The following VGLL4 variants were observed in gnomAD, a reference collection of about 807,000 sequenced individuals.
VGLL4 encodes the protein transcription cofactor vestigial-like protein 4.
In VGLL4, 7 loss-of-function variants were observed where a neutral mutation model predicts 21.0. That is an observed-to-expected ratio of 0.33 (90% confidence interval 0.19 to 0.63). VGLL4 has a LOEUF of 0.63. Ranked by LOEUF, VGLL4 falls within the 20% of genes least tolerant of loss-of-function variation. The pLI is 0.78. For missense variants in VGLL4, 394 were observed against 425.7 expected (o/e 0.93, Z 0.66); for synonymous variants, 222 against 173.2 (o/e 1.28, Z -2.21).
intron 1 of VGLL4, among the ~76,000 whole-genome samples, chr3:11,628,395 C>CA (rs796493136): frequency 0.027 from 2,906 of 108,444 alleles, 81 homozygotes; most frequent in African/African-American, 0.087. Flanking sequence ...TCTCAAAAAA[C>CA]AAAAAAAAAA....
intron 1 of VGLL4, among the ~76,000 whole-genome samples, chr3:11,611,177 A>C (rs1016476664): frequency 6.6e-6 from 1 of 152,168 alleles, no homozygotes; most frequent in Non-Finnish European, 1.5e-5. Flanking sequence ...TGGCTGAACC[A>C]TGCCCACCCC....
chr3:11,643,335 C>G (rs1426497116), intron 1 of VGLL4, 102 bp downstream of exon 1: 2 of 1,588,060 alleles, frequency 1.3e-6, no homozygotes, highest in Non-Finnish European at 1.7e-6. Context: ...TGCCCTACAC[C>G]CCGGAGGAGG....
At chr3:11,665,095 A>ATTTTT (rs1559932541) in intron 2 of VGLL4, among the ~76,000 whole-genome samples, 1 of 78,420 alleles carries the variant, frequency 1.3e-5, no homozygotes, top group African/African-American at 5.0e-5. Flanking sequence ...CAATTTGAAT[A>ATTTTT]TTTTTCTTTT....
intron 2 of VGLL4, among the ~76,000 whole-genome samples, chr3:11,657,617 C>T (rs905168424): frequency 1.3e-5 from 2 of 152,132 alleles, no homozygotes; most frequent in Non-Finnish European, 2.9e-5. Flanking sequence ...CTGGCTTTCT[C>T]TTCCGTAAAA....
chr3:11,558,456 C>G lies in VGLL4; in HGVS notation c.*100G>C. ...TGCAAATAAACCATCCCTTCCCTTC[C>G]CCCCACCCCACCCCCATGATTTTTT... On this transcript the variant is annotated 3_prime_UTR_variant, in exon 5 of 5. Transcript: ENST00000430365. 5 of 940,488 alleles carry G rather than the reference C, an allele frequency of 5.3e-6. No individual in the cohort carries two copies. Among genetic ancestry groups the G allele is most frequent in the African/African-American group, 1.7e-5 (1 of 59,062 alleles). The allele number at this position is 940,488 out of a possible 1,614,324, so 58.3% of individuals were successfully genotyped here.
chr3:11,671,297 G>A (rs1424794404), intron 2 of VGLL4: 5 of 1,586,156 alleles, frequency 3.2e-6, no homozygotes, highest in Non-Finnish European at 4.3e-6. Flanking sequence ...ACTTTTGAGT[G>A]CACAGGACTC....
intron 1 of VGLL4, among the ~76,000 whole-genome samples, chr3:11,638,913 T>C (rs1470168500): frequency 6.6e-6 from 1 of 152,156 alleles, no homozygotes; most frequent in Non-Finnish European, 1.5e-5. Context: ...TTCCAGAAAA[T>C]TAATTTAAAA....
At position 11,565,774 on chromosome 3, in the gene VGLL4, C is replaced by A. The variant is rs2073459713; in HGVS notation, c.273-755G>T. Among the ~76,000 whole-genome samples the A allele has an allele frequency of 6.6e-6, 1 of 152,210 alleles. No homozygotes were observed. The highest frequency in any genetic ancestry group is 1.5e-5 in the Non-Finnish European group (1 of 68,036). On this transcript the variant is annotated intron_variant, in intron 2 of 4. Coordinates refer to ENST00000430365, the MANE Select transcript of VGLL4 (RefSeq NM_001128219.3). The surrounding 1 kb of genome is among the most constrained non-coding windows in gnomAD (Gnocchi z 4.1). ...ATCCAGGTGAGACAGTCAGCACCAC[C>A]TCCATCTGATGTGTTAGTCTGAAGG...
chr3:11,624,199 C>T (rs987048876), intron 1 of VGLL4, among the ~76,000 whole-genome samples: 4 of 152,184 alleles, frequency 2.6e-5, no homozygotes, highest in Admixed American at 2.0e-4. Context: ...AAAAAGTTGT[C>T]CAGGGACCCC....
upstream of VGLL4, among the ~76,000 whole-genome samples, chr3:11,720,918 C>G (rs998411200): frequency 6.6e-6 from 1 of 152,006 alleles, no homozygotes; most frequent in Admixed American, 6.5e-5. Context: ...AGGCCTGATA[C>G]CCGCCCCCCG....
intron 2 of VGLL4, among the ~76,000 whole-genome samples, chr3:11,678,564 G>C (rs2125377405): frequency 6.6e-6 from 1 of 152,236 alleles, no homozygotes; most frequent in South Asian, 2.1e-4. Flanking sequence ...TCCTAACCCA[G>C]GTGAGGAATA....
rs76283926 is a variant in VGLL4 at position 11,663,477 on chromosome 3, G to C, written c.64+39494C>G. Among the ~76,000 whole-genome samples the C allele has an allele frequency of 4.0e-3, 608 of 152,342 alleles. 2 individuals are homozygous for C. The highest frequency in any genetic ancestry group is 0.014 in the African/African-American group (575 of 41,582). ...CTCACGCCTGCGATACCAGCACTTA[G>C]GGAGGCCGAGGCAGGCAAATCACCT... On this transcript the variant is annotated intron_variant, in intron 2 of 5. Coordinates refer to the VGLL4 transcript ENST00000273038.
chr3:11,711,030 G>A (rs2076834885), intron 1 of VGLL4, among the ~76,000 whole-genome samples: 2 of 151,634 alleles, frequency 1.3e-5, no homozygotes, highest in African/African-American at 2.4e-5. Context: ...AACCCGGGAG[G>A]CGGAGTTTGC....
intron 2 of VGLL4, among the ~76,000 whole-genome samples, chr3:11,570,744 T>A (rs2073741680): frequency 6.6e-6 from 1 of 152,210 alleles, no homozygotes; most frequent in African/African-American, 2.4e-5. Context: ...AGTGGTGAGA[T>A]GTCTTCTCCC....
At chr3:11,700,152 T>A (rs2076660158) in intron 2 of VGLL4, among the ~76,000 whole-genome samples, 1 of 152,094 alleles carries the variant, frequency 6.6e-6, no homozygotes. Context: ...ATGCCCCTTA[T>A]ATATAAGGGT....
chr3:11,660,158 T>A (rs1169168375), intron 2 of VGLL4, among the ~76,000 whole-genome samples: 5 of 145,180 alleles, frequency 3.4e-5, no homozygotes, highest in Non-Finnish European at 7.5e-5. Context: ...CGAGACTCCA[T>A]CTCAAAAAAA....
chr3:11,702,743 AAC>A, intron 2 of VGLL4: 5 of 264,202 alleles, frequency 1.9e-5, no homozygotes, highest in Non-Finnish European at 3.6e-5. Flanking sequence ...AAAAAAAAAA[AAC>A]AAAAAAAAAA....
At chr3:11,586,156 A>T (rs1267924408) in intron 2 of VGLL4, among the ~76,000 whole-genome samples, 1 of 152,268 alleles carries the variant, frequency 6.6e-6, no homozygotes, top group East Asian at 1.9e-4. Flanking sequence ...TATAAAGGGC[A>T]TTACTGAATA....
chr3:11,717,629 C>A (rs2076937759), intron 1 of VGLL4, among the ~76,000 whole-genome samples: 1 of 151,000 alleles, frequency 6.6e-6, no homozygotes, highest in Non-Finnish European at 1.5e-5. Context: ...AGGTGAAACA[C>A]CGCGCCCGGC....
Sources: gnomAD v4.1 joint callset for allele counts (sites outside exome capture counted in the v4.1 genomes callset) on GRCh38, gnomAD v4.1.1 for gene constraint, Gnocchi (gnomAD v3.1) non-coding constraint, MANE v1.5 for transcripts, NCBI Gene and HGNC (gene_info 2026-07-23, HGNC 2026-07-21) for gene names.